CNTN4: variants seen among roughly 807,000 people sequenced by gnomAD.
CNTN4 encodes contactin 4.
A neutral mutation model predicts 122.5 loss-of-function variants in CNTN4; 77 were observed. The observed-to-expected ratio is 0.63, with a 90% CI of 0.52 to 0.76. The LOEUF (loss-of-function observed/expected upper bound fraction) is 0.76, where lower values mean the gene tolerates loss of function less well. Among genes scored for constraint, CNTN4 ranks in the 30% least tolerant of loss-of-function variants. The pLI, the probability that CNTN4 is intolerant of heterozygous loss-of-function variation, is 0.00. For missense variants in CNTN4, 1,256 were observed against 1,259.1 expected (o/e 1.00, Z 0.04); for synonymous variants, 512 against 447.0 (o/e 1.15, Z -1.83).
At chr3:2,704,169 C>T (rs1303254107) in intron 4 of CNTN4, among the ~76,000 whole-genome samples, 2 of 151,696 alleles carry the variant, frequency 1.3e-5, no homozygotes, top group Admixed American at 6.6e-5. Context: ...TGGTGGCATA[C>T]ACCTGTAGTC....
At chr3:2,388,180 AAACT>A (rs2046315665) in intron 3 of CNTN4, among the ~76,000 whole-genome samples, 1 of 152,254 alleles carries the variant, frequency 6.6e-6, no homozygotes, top group Non-Finnish European at 1.5e-5. Flanking sequence ...GAGCCAGTAC[AAACT>A]ATTTCTGATG....
chr3:2,916,770 G>C (rs960503446), intron 12 of CNTN4, among the ~76,000 whole-genome samples: 1 of 146,318 alleles, frequency 6.8e-6, no homozygotes, highest in Non-Finnish European at 1.5e-5. Context: ...CTTCCCAGTA[G>C]GGGCGGCCGG....
chr3:2,866,979 G>A, intron 8 of CNTN4, 30 bp downstream of exon 8: 11 of 1,584,586 alleles, frequency 6.9e-6, no homozygotes, highest in Non-Finnish European at 9.5e-6. Context: ...TGTTAATTTT[G>A]TTTCTGCAAT....
chr3:2,930,615 A>G (rs1046994368), intron 13 of CNTN4, among the ~76,000 whole-genome samples: 1 of 152,184 alleles, frequency 6.6e-6, no homozygotes, highest in African/African-American at 2.4e-5. Flanking sequence ...TGTCAAGCAA[A>G]TGGATAATAA....
intron 3 of CNTN4, among the ~76,000 whole-genome samples, chr3:2,412,069 A>G (rs1439384185): frequency 1.3e-5 from 2 of 152,172 alleles, no homozygotes; most frequent in Non-Finnish European, 2.9e-5. Context: ...GGTGGAATCC[A>G]AAAGTACGTA....
chr3:2,541,590 T>G (rs1178288588), intron 3 of CNTN4, among the ~76,000 whole-genome samples: 2 of 152,156 alleles, frequency 1.3e-5, no homozygotes, highest in Non-Finnish European at 2.9e-5. Context: ...ATCCTACATT[T>G]GTCACATATC....
At chr3:2,590,296 G>A (rs767555377) in intron 4 of CNTN4, among the ~76,000 whole-genome samples, 3 of 151,976 alleles carry the variant, frequency 2.0e-5, no homozygotes, top group African/African-American at 7.3e-5. Context: ...TCGCTCTGTC[G>A]CCCAGGCTGG....
chr3:2,734,153 C>G (rs571068034), intron 4 of CNTN4, among the ~76,000 whole-genome samples: 44 of 152,232 alleles, frequency 2.9e-4, no homozygotes, highest in African/African-American at 9.6e-4. Context: ...CTTGATCCCC[C>G]CAGATCAAGC....
intron 2 of CNTN4, among the ~76,000 whole-genome samples, chr3:2,144,568 C>T (rs2035154967): frequency 1.3e-5 from 2 of 152,036 alleles, no homozygotes; most frequent in Non-Finnish European, 2.9e-5. Context: ...TACATGTGAC[C>T]CTTGCCTAAC....
Position 2,368,754 on chromosome 3 carries a change from A to G in CNTN4, c.-89+29521A>G, listed in dbSNP as rs532256829. 9.8e-5 allele frequency among the ~76,000 whole-genome samples: 15 copies of G among 152,308 alleles called. 1 individual carries two copies. The highest frequency in any genetic ancestry group is 3.4e-4 in the African/African-American group (14 of 41,568). On this transcript the variant is annotated intron_variant, in intron 3 of 24. Coordinates refer to ENST00000418658, the MANE Select transcript of CNTN4 (RefSeq NM_175607.3). ...TATTGCAGTGTTCAAGTGTATGGTT[A>G]TGACTACAAAGCAAGAAAATAAGTT... is the stretch of plus-strand genomic sequence containing the variant.
At chr3:2,554,553 C>T (rs774295014) in intron 3 of CNTN4, among the ~76,000 whole-genome samples, 1 of 152,020 alleles carries the variant, frequency 6.6e-6, no homozygotes, top group East Asian at 1.9e-4. Flanking sequence ...AAAAAAATTA[C>T]TGAAAATTGA....
intron 3 of CNTN4, among the ~76,000 whole-genome samples, chr3:2,365,614 T>C (rs2045347983): frequency 6.6e-6 from 1 of 152,216 alleles, no homozygotes; most frequent in Non-Finnish European, 1.5e-5. Context: ...CTGGTGATGC[T>C]TCTTGCCAAA....
At chr3:2,428,772 C>G (rs2047943933) in intron 3 of CNTN4, among the ~76,000 whole-genome samples, 1 of 152,152 alleles carries the variant, frequency 6.6e-6, no homozygotes, top group Admixed American at 6.5e-5. Flanking sequence ...TTGTTCGTTT[C>G]TTTTTACTCT....
At chr3:2,937,746 C>T (rs1187989862) in intron 13 of CNTN4, among the ~76,000 whole-genome samples, 12 of 152,156 alleles carry the variant, frequency 7.9e-5, no homozygotes, top group Non-Finnish European at 1.8e-4. Flanking sequence ...AGGGAACAGA[C>T]TGGGAAGAGA....
intron 4 of CNTN4, among the ~76,000 whole-genome samples, chr3:2,713,759 A>C (rs1178804299): frequency 1.3e-5 from 2 of 152,198 alleles, no homozygotes; most frequent in African/African-American, 4.8e-5. Flanking sequence ...AGAGATAATG[A>C]AATAATTATA....
chr3:2,580,240 C>G (rs973484834), intron 4 of CNTN4, among the ~76,000 whole-genome samples: 2 of 152,036 alleles, frequency 1.3e-5, no homozygotes, highest in African/African-American at 4.8e-5. Context: ...TTGGTGACAG[C>G]CAGAACATTT....
At chr3:2,791,241 G>C (rs934899913) in intron 6 of CNTN4, among the ~76,000 whole-genome samples, 3 of 152,146 alleles carry the variant, frequency 2.0e-5, no homozygotes, top group Non-Finnish European at 4.4e-5. Context: ...TTTTAAAGAT[G>C]AGGAAACTGA....
chr3:2,162,550 C>G (rs1417947037), intron 2 of CNTN4, among the ~76,000 whole-genome samples: 1 of 152,154 alleles, frequency 6.6e-6, no homozygotes, highest in African/African-American at 2.4e-5. Context: ...TGAGGAGTCT[C>G]CAGAGCTATC....
chr3:2,678,369 A>G (rs1270815267), intron 4 of CNTN4, among the ~76,000 whole-genome samples: 1 of 152,160 alleles, frequency 6.6e-6, no homozygotes, highest in Non-Finnish European at 1.5e-5. Flanking sequence ...ATTGATTATA[A>G]CTTCTCTTTT....
Sources: gnomAD v4.1 joint callset for allele counts (sites outside exome capture counted in the v4.1 genomes callset) on GRCh38, gnomAD v4.1.1 for gene constraint, MANE v1.5 for transcripts, NCBI Gene and HGNC (gene_info 2026-07-23, HGNC 2026-07-21) for gene names.